Variants in LRMDA observed in about 807,000 individuals in gnomAD.
LRMDA encodes leucine-rich melanocyte differentiation-associated protein.
LRMDA carries 18 observed loss-of-function variants against 29.8 expected under a neutral mutation model. That is an observed-to-expected ratio of 0.60 (90% CI 0.42 to 0.90). The LOEUF (loss-of-function observed/expected upper bound fraction) is 0.90. Among genes scored for constraint, LRMDA ranks in the 40% least tolerant of loss-of-function variants. The pLI is 0.00. For synonymous variants in LRMDA, 125 were observed against 109.4 expected (o/e 1.14, Z -0.89); for missense variants, 273 against 273.9 (o/e 1.00, Z 0.02).
intron 6 of LRMDA, among the ~76,000 whole-genome samples, chr10:76,418,571 C>A (rs1308907110): frequency 6.6e-6 from 1 of 151,752 alleles, no homozygotes; most frequent in East Asian, 1.9e-4. Flanking sequence ...CACAAATCTC[C>A]CTGTAATAAT....
intron 2 of LRMDA, among the ~76,000 whole-genome samples, chr10:75,823,692 G>A (rs995634745): frequency 2.6e-4 from 8 of 30,898 alleles, no homozygotes; most frequent in African/African-American, 4.2e-4. Flanking sequence ...TGTAGTGTGT[G>A]TGTGTGTGTG....
intron 2 of LRMDA, among the ~76,000 whole-genome samples, chr10:75,924,518 G>A (rs1254760780): frequency 1.3e-5 from 2 of 152,186 alleles, no homozygotes; most frequent in Admixed American, 6.5e-5. Context: ...GAGAGAACAG[G>A]ATATACAGAG....
At chr10:75,449,211 C>G (rs1844431572) in intron 2 of LRMDA, among the ~76,000 whole-genome samples, 1 of 149,392 alleles carries the variant, frequency 6.7e-6, no homozygotes, top group Non-Finnish European at 1.5e-5. Context: ...ATCAAGTATA[C>G]ACTACATGCC....
intron 2 of LRMDA, among the ~76,000 whole-genome samples, chr10:76,031,383 T>C (rs2132501812): frequency 6.6e-6 from 1 of 152,342 alleles, no homozygotes; most frequent in East Asian, 1.9e-4. Flanking sequence ...AATACGAGTC[T>C]AGAGGCTGCC....
chr10:75,759,488 A>G (rs769462140), intron 2 of LRMDA, among the ~76,000 whole-genome samples: 8 of 152,236 alleles, frequency 5.3e-5, no homozygotes, highest in Non-Finnish European at 1.2e-4. Context: ...TAATTTAGAA[A>G]GTTAGGAATA....
chr10:76,229,567 G>A (rs1228339629), intron 5 of LRMDA, among the ~76,000 whole-genome samples: 3 of 152,100 alleles, frequency 2.0e-5, no homozygotes, highest in Non-Finnish European at 4.4e-5. Context: ...TCAGATGAGG[G>A]AACTTCAGAA....
chr10:76,486,521 G>A (rs1842784053), intron 6 of LRMDA, among the ~76,000 whole-genome samples: 1 of 151,902 alleles, frequency 6.6e-6, no homozygotes, highest in South Asian at 2.1e-4. Flanking sequence ...TTATCTAGCT[G>A]TCTCTTAGGT....
rs767099865 is a variant in LRMDA at position 76,540,038 on chromosome 10, TACAC to T, written c.602-17166_602-17163del. Reference sequence around the variant, plus strand: ...GTATACACATAACACACATACAAGATACACACACGAAGTAGACACACAACATGTA... The same window carrying T: ...GTATACACATAACACACATACAAGATACACGAAGTAGACACACAACATGTA... On this transcript the variant is annotated intron_variant, in intron 6 of 6. Coordinates refer to ENST00000611255, the MANE Select transcript of LRMDA (RefSeq NM_001305581.2). Among the ~76,000 whole-genome samples, 7 of 151,806 alleles carry T rather than the reference TACAC, an allele frequency of 4.6e-5. 1 individual carries two copies. Among genetic ancestry groups the T allele is most frequent in the South Asian group, 4.2e-4 (2 of 4,790 alleles).
intron 2 of LRMDA, among the ~76,000 whole-genome samples, chr10:75,952,597 G>T (rs1049441629): frequency 3.3e-5 from 5 of 152,156 alleles, no homozygotes; most frequent in Non-Finnish European, 5.9e-5. Context: ...CTCACTAAGG[G>T]TATCATGGCA....
At chr10:75,561,482 C>T (rs2132062459) in intron 2 of LRMDA, among the ~76,000 whole-genome samples, 1 of 152,058 alleles carries the variant, frequency 6.6e-6, no homozygotes, top group Non-Finnish European at 1.5e-5. Context: ...AAAAAACCAG[C>T]TCCTGGATTC....
intron 6 of LRMDA, among the ~76,000 whole-genome samples, chr10:76,422,304 G>A (rs569912686): frequency 1.3e-5 from 2 of 152,028 alleles, no homozygotes; most frequent in East Asian, 1.9e-4. Flanking sequence ...CTCTCAGGTC[G>A]TCACTGCCTT....
intron 5 of LRMDA, among the ~76,000 whole-genome samples, chr10:76,199,912 C>T (rs182151197): frequency 2.0e-4 from 30 of 152,282 alleles, no homozygotes; most frequent in African/African-American, 7.2e-4. Flanking sequence ...CAGTATGGTA[C>T]ACCGATCAAT....
chr10:75,572,347 TTTTTC>T (rs1307768863), intron 2 of LRMDA, among the ~76,000 whole-genome samples: 1 of 152,128 alleles, frequency 6.6e-6, no homozygotes, highest in Non-Finnish European at 1.5e-5. Context: ...AGCTTTTTTT[TTTTTC>T]TTCAGTGCAG....
intron 2 of LRMDA, among the ~76,000 whole-genome samples, chr10:75,670,925 C>T (rs892538119): frequency 6.6e-6 from 1 of 152,020 alleles, no homozygotes; most frequent in Non-Finnish European, 1.5e-5. Context: ...CAGCAAGTTC[C>T]CAGTCTGCAC....
intron 2 of LRMDA, among the ~76,000 whole-genome samples, chr10:75,852,251 A>G (rs1412344115): frequency 6.6e-6 from 1 of 152,196 alleles, no homozygotes; most frequent in Non-Finnish European, 1.5e-5. Flanking sequence ...TTGAGAAAAA[A>G]TAGAGATTGA....
chr10:75,618,806 C>A (rs1256651501), intron 2 of LRMDA, among the ~76,000 whole-genome samples: 14 of 135,994 alleles, frequency 1.0e-4, no homozygotes, highest in Admixed American at 3.0e-4. Flanking sequence ...GATGGAATTT[C>A]ACTCTTGTTG....
chr10:75,761,473 T>C (rs1332448600), intron 2 of LRMDA, among the ~76,000 whole-genome samples: 1 of 152,180 alleles, frequency 6.6e-6, no homozygotes, highest in African/African-American at 2.4e-5. Flanking sequence ...ATGTGAGTTA[T>C]CTAGAAGAGG....
chr10:75,983,554 CACTT>C (rs749062413), intron 2 of LRMDA, among the ~76,000 whole-genome samples: 13 of 152,316 alleles, frequency 8.5e-5, no homozygotes, highest in South Asian at 6.2e-4. Flanking sequence ...CATTAGCTCT[CACTT>C]ACAAGTTATA....
chr10:75,496,953 C>T, intron 2 of LRMDA, among the ~76,000 whole-genome samples: 1 of 151,798 alleles, frequency 6.6e-6, no homozygotes, highest in Non-Finnish European at 1.5e-5. Flanking sequence ...GCCCTCTCCC[C>T]TCAGGAATCC....
Sources: allele counts gnomAD v4.1 joint callset (sites outside exome capture counted in the v4.1 genomes callset), GRCh38; gene constraint gnomAD v4.1.1; transcripts MANE v1.5; gene names NCBI Gene and HGNC (gene_info 2026-07-23, HGNC 2026-07-21).